TRNT1: variants seen among roughly 807,000 people sequenced by gnomAD.
The protein encoded by TRNT1 is CCA tRNA nucleotidyltransferase 1, mitochondrial.
TRNT1 carries 44 observed loss-of-function variants against 45.6 expected under a neutral mutation model. The ratio of observed to expected loss-of-function variants is 0.97; its 90% CI spans 0.76 to 1.24. TRNT1 has a LOEUF of 1.24. Among genes scored for constraint, TRNT1 ranks in the 50% most tolerant of loss-of-function variants. The pLI is 0.00. For missense variants in TRNT1, 633 were observed against 504.4 expected, an observed-to-expected ratio of 1.25 and a Z score of -2.44; for synonymous variants, 201 against 171.4, an observed-to-expected ratio of 1.17 and a Z score of -1.35.
At chr3:3,127,630 A>G (rs1171701130) in intron 1 of TRNT1, 1 of 152,382 alleles carries the variant, frequency 6.6e-6, no homozygotes, top group Non-Finnish European at 1.5e-5. Flanking sequence ...TTCATGGGAA[A>G]ATACAATGTC....
chr3:3,142,839 C>T lies in TRNT1; in HGVS notation c.482-1745C>T, dbSNP rs1705741314. On this transcript the variant is annotated intron_variant, in intron 4 of 7. Transcript: ENST00000251607. ...TTGCTACTTTGTGATCATATTTTTGCCTATTTACATATTTTCTTTTTATCA... is the reference window on the plus strand; with the variant it reads ...TTGCTACTTTGTGATCATATTTTTGTCTATTTACATATTTTCTTTTTATCA... 2.6e-5 allele frequency among the ~76,000 whole-genome samples: 4 copies of T among 152,244 alleles called. No individual in the cohort carries two copies. In the South Asian group the frequency reaches 8.3e-4, roughly 32 times the overall value.
intron 2 of TRNT1, chr3:3,131,394 G>T (rs1705010521): frequency 1.3e-5 from 2 of 152,104 alleles, no homozygotes; most frequent in African/African-American, 4.8e-5. Flanking sequence ...TGGAAATAAG[G>T]TTCTAAATAT....
chr3:3,148,236 C>A lies in TRNT1; in HGVS notation c.*82C>A. 3 of 1,477,704 alleles carry A rather than the reference C, an allele frequency of 2.0e-6. No homozygotes were observed. The highest frequency in any genetic ancestry group is 2.7e-6 in the Non-Finnish European group (3 of 1,094,846). 91.5% of individuals were successfully genotyped at this position (1,477,704 alleles called of 1,614,324 possible). On this transcript the variant is annotated 3_prime_UTR_variant, in exon 8 of 8. Coordinates refer to ENST00000251607, the MANE Select transcript of TRNT1 (RefSeq NM_182916.3). ...CCTCTTAATGAGGTTTTAGAGACTA[C>A]ACCAGAATAAAAGACAGTTTAGGGG...
rs765666226 is a variant in TRNT1 at position 3,129,197 on chromosome 3, T to C, written c.148+9T>C. 2 of 1,613,184 alleles carry C rather than the reference T, an allele frequency of 1.2e-6. No homozygotes were observed. Among genetic ancestry groups the C allele is most frequent in the Admixed American group, 1.7e-5 (1 of 59,946 alleles). ...ACTGAAGAGTCTGACAGGTGAGAGATTAGGATACCTTTTCTTGATTGGAAA... is the reference window on the plus strand; with the variant it reads ...ACTGAAGAGTCTGACAGGTGAGAGACTAGGATACCTTTTCTTGATTGGAAA... On this transcript the variant is annotated intron_variant, in intron 2 of 7. Coordinates refer to ENST00000251607, the MANE Select transcript of TRNT1 (RefSeq NM_182916.3).
chr3:3,136,995 G>A (rs1282553384), intron 2 of TRNT1, among the ~76,000 whole-genome samples: 5 of 152,160 alleles, frequency 3.3e-5, no homozygotes, highest in Non-Finnish European at 7.3e-5. Flanking sequence ...TGATCACTTT[G>A]AGGCATTGTG....
rs1239457572 is a variant in TRNT1 at position 3,137,408 on chromosome 3, G to A, written c.297G>A (p.Arg99=). The A allele has an allele frequency of 1.2e-6, 2 of 1,613,552 alleles. No individual in the cohort carries two copies. Among genetic ancestry groups the A allele is most frequent in the Non-Finnish European group, 1.7e-6 (2 of 1,179,820 alleles). The change falls in exon 3 of 8, where the codon CGG becomes CGA. Residue 99 remains arginine (R), a synonymous_variant. Coordinates refer to ENST00000251607, the MANE Select transcript of TRNT1 (RefSeq NM_182916.3). ...MKEMFQSAGI[R]MINNRGEKHG... ...AGATGTTTCAGTCGGCTGGGATTCG[G>A]ATGATAAACAACAGAGGAGAAAAGC...
rs537815925 is a variant in TRNT1 at position 3,136,085 on chromosome 3, TA to T, written c.149-1173del. ...TTGAGTACAGTTGTGAGACTAAACCTAATTGGTAAGGCACAGTCACTGTTAC... is the reference window on the plus strand; with the variant it reads ...TTGAGTACAGTTGTGAGACTAAACCTATTGGTAAGGCACAGTCACTGTTAC... On this transcript the variant is annotated intron_variant, in intron 2 of 7. Coordinates refer to ENST00000251607, the MANE Select transcript of TRNT1 (RefSeq NM_182916.3). Among the ~76,000 whole-genome samples the T allele has an allele frequency of 9.8e-4, 149 of 152,320 alleles. 1 individual carries two copies. Among genetic ancestry groups the T allele is most frequent in the Non-Finnish European group, 1.6e-3 (108 of 68,018 alleles).
chr3:3,128,598 CA>C (rs111647168), intron 1 of TRNT1, among the ~76,000 whole-genome samples: 1,530 of 95,918 alleles, frequency 0.016, 19 homozygotes, highest in African/African-American at 0.072. Context: ...GACTCCATCT[CA>C]AAAAAAAAAA....
At chr3:3,137,813 A>T (rs538664560) in intron 3 of TRNT1, among the ~76,000 whole-genome samples, 2 of 152,308 alleles carry the variant, frequency 1.3e-5, no homozygotes, top group East Asian at 3.9e-4. Context: ...GTATATTTAT[A>T]TCATAATTTT....
At chr3:3,135,777 T>A (rs1189106629) in intron 2 of TRNT1, among the ~76,000 whole-genome samples, 1 of 152,206 alleles carries the variant, frequency 6.6e-6, no homozygotes, top group Non-Finnish European at 1.5e-5. Flanking sequence ...AGTTGAATGC[T>A]CGTGTTGCTG....
At chr3:3,139,830 G>C (rs918035136) in intron 3 of TRNT1, among the ~76,000 whole-genome samples, 1 of 152,068 alleles carries the variant, frequency 6.6e-6, no homozygotes, top group East Asian at 1.9e-4. Flanking sequence ...GGGGTCTAGC[G>C]ATCCTCCCAC....
chr3:3,144,612 T>C lies in TRNT1; in HGVS notation c.510T>C (p.Phe170=), dbSNP rs371733557. Residue 170 remains phenylalanine, a synonymous_variant, in exon 5 of 8, where the codon TTT becomes TTC. Transcript: ENST00000251607. ...LGFDGTLFDY[F]NGYEDLKNKK... ...TTGATGGCACTTTATTTGACTACTTTAATGGTTATGAAGATTTAAAAAATA... is the reference window on the plus strand; with the variant it reads ...TTGATGGCACTTTATTTGACTACTTCAATGGTTATGAAGATTTAAAAAATA... The C allele has an allele frequency of 6.3e-7, 1 of 1,587,358 alleles. No homozygotes were observed.
chr3:3,136,137 C>G (rs1705313522), intron 2 of TRNT1, among the ~76,000 whole-genome samples: 1 of 152,120 alleles, frequency 6.6e-6, no homozygotes, highest in African/African-American at 2.4e-5. Context: ...GTATCATGGA[C>G]AGTGTTCATG....
At chr3:3,150,273 G>A (rs1047518704), downstream of TRNT1, 1 of 151,952 alleles carries the variant, frequency 6.6e-6, no homozygotes, top group African/African-American at 2.4e-5. Flanking sequence ...ACTATTCGTG[G>A]GCTCAAAAAA....
chr3:3,129,607 GAGAA>G (rs1704874097), intron 2 of TRNT1: 3 of 508,398 alleles, frequency 5.9e-6, no homozygotes, highest in African/African-American at 2.1e-5. Context: ...AATATTAAAA[GAGAA>G]AGGCTTACAT....
chr3:3,130,552 T>C (rs914574481), intron 2 of TRNT1: 1 of 152,478 alleles, frequency 6.6e-6, no homozygotes, highest in African/African-American at 2.4e-5. Context: ...ACTATCTTTT[T>C]TAATTGGAGA....
At position 3,146,557 on chromosome 3, in the gene TRNT1, C is replaced by G; in HGVS notation, c.736C>G (p.Leu246Val). The change falls in exon 6 of 8, where the codon CTT becomes GTT. Residue 246 changes from leucine (L) to valine (V), a missense_variant. By Grantham distance (32) the Leu-to-Val change is conservative. Transcript: ENST00000251607. ...ERIWVELKKILVGNHVNHLIH... is the reference protein window; with the variant it reads ...ERIWVELKKIVVGNHVNHLIH... Reference sequence around the variant, plus strand: ...GATTTGGGTGGAACTGAAAAAAATTCTTGTTGGTAACCATGTAAATCATTT... The same window carrying G: ...GATTTGGGTGGAACTGAAAAAAATTGTTGTTGGTAACCATGTAAATCATTT... 3 of 1,613,916 alleles carry G rather than the reference C, an allele frequency of 1.9e-6. No individual in the cohort carries two copies. The highest frequency in any genetic ancestry group is 1.3e-5 in the African/African-American group (1 of 75,012).
Position 3,140,496 on chromosome 3 carries a change from GT to G in TRNT1, c.343-13del. The G allele has an allele frequency of 6.2e-7, 1 of 1,610,090 alleles. No homozygotes were observed. The highest frequency in any genetic ancestry group is 8.5e-7 in the Non-Finnish European group (1 of 1,178,386). On this transcript the variant is annotated splice_polypyrimidine_tract_variant and intron_variant, in intron 3 of 7. Coordinates refer to ENST00000251607, the MANE Select transcript of TRNT1 (RefSeq NM_182916.3). ...ATTTAAATGACAACAAAAACCCCAT[GT>G]ATTTAATTGCAGCTTCATGAAGAAA... is the stretch of plus-strand genomic sequence containing the variant.
At position 3,148,083 on chromosome 3, in the gene TRNT1, C is replaced by T. The variant is rs372367989; in HGVS notation, c.1234C>T (p.Arg412Ter). ...KEIGALLQQL[R>*]EQWKKSGYQM... ...AATTGGGGCTCTATTACAACAGTTG[C>T]GAGAACAGTGGAAAAAAAGTGGTTA... The change falls in exon 8 of 8, where the codon CGA (arginine) becomes TGA (stop). Residue 412 changes from arginine (R) to a stop codon, truncating the protein, a stop_gained. Transcript: ENST00000251607. LOFTEE classifies it high-confidence loss of function. 1.6e-5 allele frequency: 26 copies of T among 1,613,528 alleles called. No homozygotes were observed. Among genetic ancestry groups the T allele is most frequent in the Middle Eastern group, 1.6e-4 (1 of 6,078 alleles).
Sources: allele counts gnomAD v4.1 joint callset (sites outside exome capture counted in the v4.1 genomes callset), GRCh38; gene constraint gnomAD v4.1.1; transcripts MANE v1.5; gene names NCBI Gene and HGNC (gene_info 2026-07-23, HGNC 2026-07-21).